The following POM121C variants were observed in gnomAD, a reference collection of about 807,000 sequenced individuals.
POM121C encodes nuclear envelope pore membrane protein POM 121C.
In POM121C, 20 loss-of-function variants were observed where a neutral mutation model predicts 66.4. The observed-to-expected ratio is 0.30, with a 90% confidence interval of 0.21 to 0.44. The LOEUF (loss-of-function observed/expected upper bound fraction) is 0.44. POM121C is among the 20% of genes least tolerant of loss of function. The pLI is 1.00. For missense variants in POM121C, 580 were observed against 1,225.7 expected (o/e 0.47, Z 7.87); for synonymous variants, 286 against 528.0 (o/e 0.54, Z 6.28).
At chr7:75,461,625 G>A (rs1203601559) in intron 3 of POM121C, among the ~76,000 whole-genome samples, 1 of 152,024 alleles carries the variant, frequency 6.6e-6, no homozygotes, top group Non-Finnish European at 1.5e-5. Flanking sequence ...TGGCCAGGCT[G>A]GTCTCAAACT....
chr7:75,463,288 G>C (rs1490522710), intron 3 of POM121C, among the ~76,000 whole-genome samples: 1 of 152,028 alleles, frequency 6.6e-6, no homozygotes, highest in Non-Finnish European at 1.5e-5. Flanking sequence ...AGGCTGCAGT[G>C]AGCCAAGATC....
intron 3 of POM121C, chr7:75,442,636 G>GCAGCCC (rs1184692075): frequency 2.7e-6 from 4 of 1,486,438 alleles, no homozygotes; most frequent in African/African-American, 1.5e-5. Context: ...CCGGCCCGCC[G>GCAGCCC]CAGCCCCGGC....
At position 75,421,762 on chromosome 7, in the gene POM121C, T is replaced by C. The variant is rs1789719040; in HGVS notation, c.2490A>G (p.Thr830=). 6.2e-6 allele frequency: 10 copies of C among 1,607,962 alleles called. No homozygotes were observed. In the East Asian group the frequency reaches 2.0e-4, roughly 32 times the overall value. Residue 830 remains threonine (T), a synonymous_variant, in exon 13 of 15, where the codon ACA becomes ACG. Coordinates refer to ENST00000615331, the MANE Select transcript of POM121C (RefSeq NM_001099415.3). ...CCCCAAACGTGAAGGGTGATGGTGT[T>C]GTGCTGCCAAACACCGAGCTGCTGC... is the stretch of plus-strand genomic sequence containing the variant. ...SGSSSSVFGS[T]TPSPFTFGGS...
intron 3 of POM121C, among the ~76,000 whole-genome samples, chr7:75,463,677 T>C (rs1414690496): frequency 3.9e-4 from 60 of 152,022 alleles, no homozygotes; most frequent in Non-Finnish European, 7.4e-4. Context: ...AGTTACCCCA[T>C]TATAATACTC....
chr7:75,423,073 C>CG lies in POM121C; in HGVS notation c.1178dup (p.Thr394AspfsTer17), dbSNP rs1789785953. The stretch of plus-strand genomic sequence containing the variant: ...CAGGGATCAGCCCCAGCAAAGTGGT[C>CG]GGGGGTTTGGAGTCAAAGGAGGGGC... On this transcript the variant is annotated frameshift_variant, in exon 13 of 15. Transcript: ENST00000615331. LOFTEE classifies it high-confidence loss of function. 2 of 1,539,632 alleles carry CG rather than the reference C, an allele frequency of 1.3e-6. No individual in the cohort carries two copies. The highest frequency in any genetic ancestry group is 2.4e-5 in the East Asian group (1 of 41,828).
intron 12 of POM121C, among the ~76,000 whole-genome samples, chr7:75,423,804 G>A (rs1383747985): frequency 2.0e-5 from 3 of 151,946 alleles, no homozygotes; most frequent in Admixed American, 6.6e-5. Flanking sequence ...TCTGACAAAT[G>A]AGGAAGGCGA....
intron 7 of POM121C, among the ~76,000 whole-genome samples, chr7:75,430,683 A>G (rs1313032358): frequency 6.6e-6 from 1 of 152,224 alleles, no homozygotes; most frequent in Non-Finnish European, 1.5e-5. Flanking sequence ...GAATGGCAAG[A>G]GCAGGACACT....
chr7:75,429,677 G>C (rs1790092583), intron 7 of POM121C, among the ~76,000 whole-genome samples: 1 of 145,318 alleles, frequency 6.9e-6, no homozygotes, highest in African/African-American at 2.7e-5. Flanking sequence ...TCTAATACAA[G>C]AGAAGTAAAA....
intron 7 of POM121C, among the ~76,000 whole-genome samples, chr7:75,431,978 G>A (rs1554472424): frequency 1.3e-5 from 2 of 151,902 alleles, no homozygotes; most frequent in South Asian, 2.1e-4. Context: ...TTAGGAGTTC[G>A]AGACCAGACT....
chr7:75,433,730 T>C (rs1242326587), intron 7 of POM121C, among the ~76,000 whole-genome samples: 2 of 152,244 alleles, frequency 1.3e-5, no homozygotes, highest in African/African-American at 2.4e-5. Flanking sequence ...TATAATTCCT[T>C]TGAGATCATT....
chr7:75,473,028 C>T (rs1270530462), intron 3 of POM121C, among the ~76,000 whole-genome samples: 1 of 152,122 alleles, frequency 6.6e-6, no homozygotes, highest in Non-Finnish European at 1.5e-5. Context: ...AGGCATTTCA[C>T]AGAAGACAAA....
chr7:75,484,659 T>A, intron 1 of POM121C, among the ~76,000 whole-genome samples: 1 of 49,640 alleles, frequency 2.0e-5, no homozygotes, highest in African/African-American at 5.9e-5. Context: ...AGAGACACTG[T>A]CTCAAAAAAA....
chr7:75,486,202 T>A lies in POM121C; in HGVS notation c.-796A>T. ...TAGGTGCTGGTCCGGGCGGTCAGCATCCAGCCCCGCAGACTCGGTGATTCT... is the reference window on the plus strand; with the variant it reads ...TAGGTGCTGGTCCGGGCGGTCAGCAACCAGCCCCGCAGACTCGGTGATTCT... On this transcript the variant is annotated 5_prime_UTR_variant, in exon 1 of 15. The change abolishes an upstream ATG in the 5' untranslated region. Transcript: ENST00000615331. 6.8e-6 allele frequency: 2 copies of A among 295,278 alleles called. No individual in the cohort carries two copies. Among genetic ancestry groups the A allele is most frequent in the South Asian group, 5.2e-5 (2 of 38,800 alleles). The allele number at this position is 295,278 out of a possible 1,614,324, so 18.3% of individuals were successfully genotyped here. A position where few individuals can be genotyped will look rare whatever the true frequency, so the allele number is the denominator to read the frequency against.
At chr7:75,476,461 A>AC (rs1792080899) in intron 1 of POM121C, among the ~76,000 whole-genome samples, 1 of 152,210 alleles carries the variant, frequency 6.6e-6, no homozygotes, top group South Asian at 2.1e-4. Flanking sequence ...TTATTTATAA[A>AC]GAACATATCA....
chr7:75,421,288 T>A (rs587606081), intron 13 of POM121C: 1 of 1,285,714 alleles, frequency 7.8e-7, no homozygotes, highest in Non-Finnish European at 1.0e-6. Flanking sequence ...CAGCTTACAA[T>A]TGTTAAGTAC....
intron 3 of POM121C, among the ~76,000 whole-genome samples, chr7:75,450,754 G>A (rs782496673): frequency 1.3e-5 from 2 of 152,222 alleles, no homozygotes; most frequent in Non-Finnish European, 2.9e-5. Flanking sequence ...ATTAAAAACA[G>A]ACACACTCAC....
At chr7:75,469,056 T>C (rs1791778159) in intron 3 of POM121C, among the ~76,000 whole-genome samples, 1 of 152,046 alleles carries the variant, frequency 6.6e-6, no homozygotes, top group Non-Finnish European at 1.5e-5. Flanking sequence ...CTCTTTCTCT[T>C]ACACACTGCA....
intron 1 of POM121C, 106 bp from the exon 2 acceptor site, chr7:75,475,294 T>C: frequency 8.6e-7 from 1 of 1,165,546 alleles, no homozygotes; most frequent in South Asian, 1.4e-5. Context: ...GTATACCTTA[T>C]TTTATGTTAC....
At chr7:75,431,908 G>T (rs1244208953) in intron 7 of POM121C, among the ~76,000 whole-genome samples, 2 of 151,992 alleles carry the variant, frequency 1.3e-5, no homozygotes, top group Admixed American at 6.6e-5. Flanking sequence ...GTGCCAATAC[G>T]GTGCCACTGC....
Sources: allele counts gnomAD v4.1 joint callset (sites outside exome capture counted in the v4.1 genomes callset), GRCh38; gene constraint gnomAD v4.1.1; transcripts MANE v1.5; gene names NCBI Gene and HGNC (gene_info 2026-07-23, HGNC 2026-07-21).